Variants in CD44 observed in about 807,000 individuals in gnomAD.
CD44 encodes CD44 molecule (IN blood group).
Under a neutral mutation model 88.8 loss-of-function variants are expected in CD44, and 49 were observed. The ratio of observed to expected loss-of-function variants is 0.55; its 90% CI spans 0.44 to 0.70. CD44 has a LOEUF of 0.70. Among genes scored for constraint, CD44 ranks in the 30% least tolerant of loss-of-function variants. The pLI, the probability that CD44 is intolerant of heterozygous loss-of-function variation, is 0.00. For synonymous variants in CD44, 325 were observed against 312.3 expected, an observed-to-expected ratio of 1.04 and a Z score of -0.43; for missense variants, 883 against 913.8, an observed-to-expected ratio of 0.97 and a Z score of 0.43.
chr11:35,208,279 A>G (rs1407340476), intron 12 of CD44, 73 bp downstream of exon 12: 4 of 1,022,208 alleles, frequency 3.9e-6, no homozygotes, highest in Middle Eastern at 2.0e-4. Flanking sequence ...ATTGGCCAAG[A>G]TGCAGAGCTT....
At chr11:35,195,002 T>C (rs1480171000) in intron 5 of CD44, among the ~76,000 whole-genome samples, 1 of 152,164 alleles carries the variant, frequency 6.6e-6, no homozygotes, top group African/African-American at 2.4e-5. Flanking sequence ...CCTGAACCCT[T>C]CTTTGGACAC....
intron 1 of CD44, among the ~76,000 whole-genome samples, chr11:35,167,972 G>A (rs1301949716): frequency 1.3e-5 from 2 of 152,220 alleles, no homozygotes; most frequent in African/African-American, 4.8e-5. Context: ...CAGAATCAGA[G>A]AGAAGCAGTC....
At chr11:35,203,614 C>T (rs558623307) in intron 9 of CD44, among the ~76,000 whole-genome samples, 3 of 151,972 alleles carry the variant, frequency 2.0e-5, no homozygotes, top group African/African-American at 7.2e-5. Context: ...TCACACATAT[C>T]ATTTTCTAAG....
intron 1 of CD44, among the ~76,000 whole-genome samples, chr11:35,153,878 G>T (rs1269565243): frequency 6.6e-6 from 1 of 152,208 alleles, no homozygotes; most frequent in African/African-American, 2.4e-5. Context: ...ACTTCTCAGA[G>T]CTGTACCAGC....
At chr11:35,178,786 G>A (rs1944710968) in intron 2 of CD44, among the ~76,000 whole-genome samples, 1 of 152,094 alleles carries the variant, frequency 6.6e-6, no homozygotes, top group South Asian at 2.1e-4. Context: ...TTGGTGGGTA[G>A]GTTCACCAAG....
chr11:35,183,465 C>T lies in CD44; in HGVS notation c.367+3058C>T, dbSNP rs542993201. Among the ~76,000 whole-genome samples, 143 of 152,220 alleles carry T rather than the reference C, an allele frequency of 9.4e-4. 1 individual carries two copies. Among genetic ancestry groups the T allele is most frequent in the Non-Finnish European group, 2.5e-4 (17 of 68,000 alleles). On this transcript the variant is annotated intron_variant, in intron 3 of 17. Coordinates refer to ENST00000428726, the MANE Select transcript of CD44 (RefSeq NM_000610.4). The stretch of plus-strand genomic sequence containing the variant: ...TGAGCTAAAGATTTTGATAAACTGC[C>T]CTATGCAAAGATTTCATTGCAAGGA...
At chr11:35,142,491 C>A (rs1858192975) in intron 1 of CD44, among the ~76,000 whole-genome samples, 1 of 152,004 alleles carries the variant, frequency 6.6e-6, no homozygotes, top group Admixed American at 6.6e-5. Context: ...GTCTGAGAGC[C>A]CTGGGTCTTA....
At chr11:35,167,252 T>G (rs560205726) in intron 1 of CD44, among the ~76,000 whole-genome samples, 80 of 151,154 alleles carry the variant, frequency 5.3e-4, no homozygotes, top group African/African-American at 1.8e-3. Context: ...CCACTGAGTT[T>G]TGTGTGTGTG....
At chr11:35,152,312 G>C (rs1029271419) in intron 1 of CD44, among the ~76,000 whole-genome samples, 3 of 152,142 alleles carry the variant, frequency 2.0e-5, no homozygotes, top group Non-Finnish European at 4.4e-5. Flanking sequence ...GAAAAAGTAG[G>C]CTAGCTACCT....
Position 35,139,251 on chromosome 11 carries a change from C to T in CD44, c.-53C>T, listed in dbSNP as rs1339627482. The T allele has an allele frequency of 4.8e-6, 7 of 1,454,632 alleles. No individual in the cohort carries two copies. The highest frequency in any genetic ancestry group is 6.6e-6 in the Non-Finnish European group (7 of 1,058,888). The allele number at this position is 1,454,632 out of a possible 1,614,324, so 90.1% of individuals were successfully genotyped here. A position where few individuals can be genotyped will look rare whatever the true frequency, so the allele number is the denominator to read the frequency against. On this transcript the variant is annotated 5_prime_UTR_variant, in exon 1 of 18. Transcript: ENST00000428726. Reference sequence around the variant, plus strand: ...GTCCTCCGCCGGCCCCTGCCCCGCGCCCAGGGATCCTCCAGCTCCTTTCGC... The same window carrying T: ...GTCCTCCGCCGGCCCCTGCCCCGCGTCCAGGGATCCTCCAGCTCCTTTCGC...
chr11:35,159,475 A>G (rs928808681), intron 1 of CD44, among the ~76,000 whole-genome samples: 8 of 152,194 alleles, frequency 5.3e-5, no homozygotes, highest in African/African-American at 1.9e-4. Flanking sequence ...CATGGTGCAA[A>G]CACATCATAA....
intron 4 of CD44, among the ~76,000 whole-genome samples, chr11:35,189,220 G>A (rs1490522749): frequency 2.6e-5 from 4 of 152,112 alleles, no homozygotes; most frequent in Admixed American, 6.6e-5. Flanking sequence ...CACAGAGAAC[G>A]GCAAATGCTC....
intron 1 of CD44, among the ~76,000 whole-genome samples, chr11:35,148,513 A>C (rs954140009): frequency 1.1e-4 from 17 of 152,252 alleles, no homozygotes; most frequent in African/African-American, 3.9e-4. Flanking sequence ...GGTCAGGTAC[A>C]TTCCTGTAGA....
intron 1 of CD44, among the ~76,000 whole-genome samples, chr11:35,175,686 C>A (rs1389318010): frequency 6.6e-6 from 1 of 152,066 alleles, no homozygotes; most frequent in African/African-American, 2.4e-5. Context: ...AAAATTAAAT[C>A]ATTTGCTTTT....
At chr11:35,158,309 G>A (rs927104041) in intron 1 of CD44, among the ~76,000 whole-genome samples, 6 of 152,194 alleles carry the variant, frequency 3.9e-5, no homozygotes, top group African/African-American at 1.2e-4. Context: ...GGCTGTCAAG[G>A]ACGCATTGGG....
chr11:35,187,134 C>G (rs1406772057), intron 4 of CD44, among the ~76,000 whole-genome samples: 1 of 151,998 alleles, frequency 6.6e-6, no homozygotes, highest in Non-Finnish European at 1.5e-5. Context: ...ATTAGCTGGG[C>G]ATAGTGGCAG....
In CD44 at chr11:35,183,193, G is replaced by A. The variant is rs1028901689; in HGVS notation, c.367+2786G>A. ...TGACTCGATATTGATGGCTACTTTT[G>A]TAAGTTTTTATTTAAGTTTAAAGGG... On this transcript the variant is annotated intron_variant, in intron 3 of 17. Coordinates refer to ENST00000428726, the MANE Select transcript of CD44 (RefSeq NM_000610.4). Among the ~76,000 whole-genome samples, 17 of 152,200 alleles carry A rather than the reference G, an allele frequency of 1.1e-4. No individual in the cohort carries two copies. In the East Asian group the frequency reaches 2.1e-3, roughly 19 times the overall value.
intron 10 of CD44, chr11:35,204,899 C>T (rs1947679907): frequency 5.6e-6 from 2 of 356,342 alleles, no homozygotes; most frequent in East Asian, 6.3e-5. Context: ...TCTTTCACAT[C>T]GAGTTTTGGG....
At chr11:35,196,626 C>T in intron 5 of CD44, 120 bp from the exon 6 acceptor site, 3 of 1,067,428 alleles carry the variant, frequency 2.8e-6, no homozygotes, top group South Asian at 4.0e-5. Flanking sequence ...TTCTTTTCAC[C>T]ATCTATATCA....
Sources: allele counts gnomAD v4.1 joint callset (sites outside exome capture counted in the v4.1 genomes callset), GRCh38; gene constraint gnomAD v4.1.1; transcripts MANE v1.5; gene names NCBI Gene and HGNC (gene_info 2026-07-23, HGNC 2026-07-21).